Variants in XKR4 observed in about 807,000 individuals in gnomAD.
The protein encoded by XKR4 is XK related 4, also known as XK-related protein 4.
XKR4 carries 12 observed loss-of-function variants against 53.9 expected under a neutral mutation model. That is an observed-to-expected ratio of 0.22 (90% CI 0.14 to 0.36). The LOEUF (loss-of-function observed/expected upper bound fraction) is 0.36. Among genes scored for constraint, XKR4 ranks in the 10% least tolerant of loss-of-function variants. The probability of loss-of-function intolerance (pLI) is 1.00; values close to 1 mark genes in which losing one functional copy is unlikely to be tolerated. For synonymous variants in XKR4, 354 were observed against 362.4 expected (o/e 0.98, Z 0.26); for missense variants, 799 against 859.5 (o/e 0.93, Z 0.88).
At position 55,523,966 on chromosome 8, in the gene XKR4, A is replaced by C. The variant is rs1806842915; in HGVS notation, c.1692A>C (p.Ala564=). The stretch of plus-strand genomic sequence containing the variant: ...TCAGCGACCGCGATCAGAAATTCGC[A>C]GAGCGGGATGGGTGTGTACCTGTCT... ...SVVSDRDQKF[A]ERDGCVPVFQ... Residue 564 remains alanine (A), a synonymous_variant, in exon 3 of 3, where the codon GCA becomes GCC. Coordinates refer to ENST00000327381, the MANE Select transcript of XKR4 (RefSeq NM_052898.2). 6.2e-7 allele frequency: 1 copy of C among 1,614,058 alleles called. No homozygotes were observed. Among genetic ancestry groups the C allele is most frequent in the Admixed American group, 1.7e-5 (1 of 60,004 alleles).
chr8:55,510,616 AC>A (rs1447486865), intron 2 of XKR4, among the ~76,000 whole-genome samples: 8 of 151,990 alleles, frequency 5.3e-5, no homozygotes, highest in Non-Finnish European at 1.2e-4. Context: ...ACCCCCTCCC[AC>A]CCCACATCTG....
At chr8:55,319,662 A>T (rs568628635) in intron 1 of XKR4, among the ~76,000 whole-genome samples, 1 of 152,382 alleles carries the variant, frequency 6.6e-6, no homozygotes, top group South Asian at 2.1e-4. Context: ...CATCATAAAA[A>T]ATGCTATAAA....
At chr8:55,446,567 T>G (rs963185885) in intron 2 of XKR4, among the ~76,000 whole-genome samples, 5 of 152,144 alleles carry the variant, frequency 3.3e-5, no homozygotes, top group African/African-American at 1.2e-4. Context: ...CAGGCTGGTC[T>G]TGAACTCCTG....
chr8:55,300,494 G>A (rs1819176517), intron 1 of XKR4, among the ~76,000 whole-genome samples: 1 of 152,134 alleles, frequency 6.6e-6, no homozygotes. Context: ...AGGAGATAGA[G>A]TGGGCAGGCA....
intron 1 of XKR4, among the ~76,000 whole-genome samples, chr8:55,219,341 G>A (rs1817849818): frequency 6.6e-6 from 1 of 152,186 alleles, no homozygotes. Flanking sequence ...CATGCTGAGA[G>A]TAGCAATTCA....
At chr8:55,348,850 A>G (rs775772941) in intron 1 of XKR4, among the ~76,000 whole-genome samples, 4 of 152,176 alleles carry the variant, frequency 2.6e-5, no homozygotes, top group Admixed American at 6.5e-5. Context: ...ATATACAGAT[A>G]GAGAGATAGA....
At chr8:55,164,587 C>A in intron 1 of XKR4, 1 of 358,670 alleles carries the variant, frequency 2.8e-6, no homozygotes, top group Admixed American at 3.5e-5. Context: ...GCCCATGGGC[C>A]TAGCCCTGAG....
At chr8:55,388,637 G>A (rs1804388874) in intron 2 of XKR4, among the ~76,000 whole-genome samples, 1 of 152,102 alleles carries the variant, frequency 6.6e-6, no homozygotes, top group South Asian at 2.1e-4. Context: ...CATTTATGAG[G>A]GCGTTACCTC....
At chr8:55,446,120 C>T (rs1805342681) in intron 2 of XKR4, among the ~76,000 whole-genome samples, 2 of 152,192 alleles carry the variant, frequency 1.3e-5, no homozygotes, top group East Asian at 1.9e-4. Context: ...ATACTTAGCT[C>T]AGCCCCCACC....
intron 1 of XKR4, among the ~76,000 whole-genome samples, chr8:55,180,112 G>A (rs973170743): frequency 3.9e-5 from 6 of 152,106 alleles, no homozygotes; most frequent in Admixed American, 6.5e-5. Flanking sequence ...ATTAAATACT[G>A]GTTCAAATTA....
intron 1 of XKR4, among the ~76,000 whole-genome samples, chr8:55,236,911 A>G (rs1818134788): frequency 6.6e-6 from 1 of 152,324 alleles, no homozygotes; most frequent in Non-Finnish European, 1.5e-5. Flanking sequence ...TTCAGTCACT[A>G]TTCCTACCAT....
At chr8:55,498,556 G>T (rs1022372212) in intron 2 of XKR4, among the ~76,000 whole-genome samples, 2 of 152,106 alleles carry the variant, frequency 1.3e-5, no homozygotes, top group Non-Finnish European at 2.9e-5. Flanking sequence ...GAGGTGGGAG[G>T]ATCACTTGAG....
rs73589724 is a variant in XKR4, at chr8:55,361,408, T to A, written c.1006+3531T>A. Among the ~76,000 whole-genome samples the A allele has an allele frequency of 5.4e-3, 817 of 152,244 alleles. 10 individuals are homozygous for A. Among genetic ancestry groups the A allele is most frequent in the African/African-American group, 0.019 (777 of 41,530 alleles). On this transcript the variant is annotated intron_variant, in intron 2 of 2. Coordinates refer to ENST00000327381, the MANE Select transcript of XKR4 (RefSeq NM_052898.2). ...AGTGTCCACATGGAGGGTGCTGCTC[T>A]CTACCTGTTTAGTGAGGGTGCCAAA...
intron 1 of XKR4, among the ~76,000 whole-genome samples, chr8:55,234,035 G>C (rs1245797826): frequency 2.0e-5 from 3 of 152,138 alleles, no homozygotes; most frequent in Non-Finnish European, 4.4e-5. Context: ...TCGATTCCCT[G>C]AAGTCCGAAT....
In XKR4 at chr8:55,132,519, A is replaced by T. The variant is rs931151; in HGVS notation, c.806+29225A>T. Among the ~76,000 whole-genome samples, 118 of 152,230 alleles carry T rather than the reference A, an allele frequency of 7.8e-4. 1 individual carries two copies. In the East Asian group the frequency reaches 0.022, roughly 29 times the overall value. ...TACTGTAATAAAAGTTGTGAATGTG[A>T]TCTCTCTCTGTGGCTCTCAAAATAT... On this transcript the variant is annotated intron_variant, in intron 1 of 2. Transcript: ENST00000327381.
intron 1 of XKR4, among the ~76,000 whole-genome samples, chr8:55,219,496 G>T (rs1360582946): frequency 6.6e-6 from 1 of 152,104 alleles, no homozygotes; most frequent in Admixed American, 6.5e-5. Flanking sequence ...AAATTGATCT[G>T]CTTACCAAGG....
At chr8:55,357,386 C>T (rs966957947) in intron 1 of XKR4, among the ~76,000 whole-genome samples, 6 of 152,178 alleles carry the variant, frequency 3.9e-5, no homozygotes, top group Non-Finnish European at 5.9e-5. Context: ...TTTAAAGTAG[C>T]AAACCCATTC....
intron 2 of XKR4, among the ~76,000 whole-genome samples, chr8:55,372,075 G>A (rs1230217900): frequency 2.0e-5 from 3 of 152,234 alleles, no homozygotes; most frequent in Non-Finnish European, 4.4e-5. Context: ...GGTCATGGAT[G>A]TGGTGGACAG....
chr8:55,400,986 C>G (rs1482073430), intron 2 of XKR4, among the ~76,000 whole-genome samples: 1 of 152,230 alleles, frequency 6.6e-6, no homozygotes, highest in African/African-American at 2.4e-5. Flanking sequence ...CTCAGACATA[C>G]ACACCTAGCA....
Sources: allele counts gnomAD v4.1 joint callset (sites outside exome capture counted in the v4.1 genomes callset), GRCh38; gene constraint gnomAD v4.1.1; transcripts MANE v1.5; gene names NCBI Gene and HGNC (gene_info 2026-07-23, HGNC 2026-07-21).